ENOX1: variants seen among roughly 807,000 people sequenced by gnomAD.
The protein encoded by ENOX1 is ecto-NOX disulfide-thiol exchanger 1, also known as candidate growth-related and time keeping constitutive hydroquinone (NADH) oxidase.
Under a neutral mutation model 82.5 loss-of-function variants are expected in ENOX1, and 42 were observed. The ratio of observed to expected loss-of-function variants is 0.51; its 90% CI spans 0.40 to 0.66. The LOEUF (loss-of-function observed/expected upper bound fraction) is 0.66. Ranked by LOEUF, ENOX1 falls within the 30% of genes least tolerant of loss-of-function variation. ENOX1 has a pLI of 0.00. For synonymous variants in ENOX1, 271 were observed against 282.2 expected, an observed-to-expected ratio of 0.96 and a Z score of 0.40; for missense variants, 608 against 811.6, an observed-to-expected ratio of 0.75 and a Z score of 3.05.
intron 2 of ENOX1, among the ~76,000 whole-genome samples, chr13:43,553,392 G>A (rs2079290062): frequency 6.6e-6 from 1 of 152,032 alleles, no homozygotes; most frequent in African/African-American, 2.4e-5. Flanking sequence ...AGACAGACTG[G>A]GCTTGACACT....
intron 3 of ENOX1, among the ~76,000 whole-genome samples, chr13:43,462,620 TCA>T (rs2057538037): frequency 6.6e-6 from 1 of 152,260 alleles, no homozygotes; most frequent in Admixed American, 6.5e-5. Context: ...TTTTCTGTTA[TCA>T]CTGGTGTGAA....
intron 5 of ENOX1, among the ~76,000 whole-genome samples, chr13:43,384,359 A>G (rs1048932067): frequency 2.0e-5 from 3 of 152,172 alleles, no homozygotes; most frequent in Non-Finnish European, 4.4e-5. Context: ...GGGAGAGAGA[A>G]CCATACAAGA....
At chr13:43,360,203 G>T in intron 6 of ENOX1, 146 bp from the exon 7 acceptor site, 1 of 722,762 alleles carries the variant, frequency 1.4e-6, no homozygotes, top group Non-Finnish European at 2.3e-6. Context: ...ATCCCAGGCT[G>T]TCTTGTTTCT....
At chr13:43,687,857 G>C (rs2086156235) in intron 1 of ENOX1, among the ~76,000 whole-genome samples, 2 of 152,112 alleles carry the variant, frequency 1.3e-5, no homozygotes, top group Non-Finnish European at 2.9e-5. Flanking sequence ...AGCCAATCTG[G>C]AGATCAGGAA....
chr13:43,441,014 C>A (rs372148188), intron 3 of ENOX1, among the ~76,000 whole-genome samples: 1 of 152,138 alleles, frequency 6.6e-6, no homozygotes, highest in Non-Finnish European at 1.5e-5. Context: ...GAACATCACA[C>A]AAACCCAAAT....
intron 1 of ENOX1, among the ~76,000 whole-genome samples, chr13:43,688,781 G>C (rs1327896004): frequency 6.6e-6 from 1 of 152,154 alleles, no homozygotes; most frequent in Non-Finnish European, 1.5e-5. Flanking sequence ...TCAGAGGGAA[G>C]GAGGCAGTGA....
chr13:43,569,841 G>A (rs2080096068), intron 2 of ENOX1, among the ~76,000 whole-genome samples: 1 of 152,046 alleles, frequency 6.6e-6, no homozygotes, highest in Non-Finnish European at 1.5e-5. Context: ...GACAAACTCT[G>A]ACTTGGTTTT....
At chr13:43,386,753 TTCAC>T (rs980187564) in intron 5 of ENOX1, among the ~76,000 whole-genome samples, 14 of 152,222 alleles carry the variant, frequency 9.2e-5, no homozygotes, top group Non-Finnish European at 1.9e-4. Context: ...ATTTTGACAC[TTCAC>T]TCACTTTATA....
chr13:43,236,747 T>C lies in ENOX1; in HGVS notation c.1612-9A>G. The stretch of plus-strand genomic sequence containing the variant: ...GTCAACACATTGATTTCCTATAAAG[T>C]TAAAAGCCAAAAACCATATATGGGT... On this transcript the variant is annotated splice_polypyrimidine_tract_variant and intron_variant, in intron 14 of 16. Coordinates refer to ENST00000690772, the MANE Select transcript of ENOX1 (RefSeq NM_001347969.2). 6.5e-7 allele frequency: 1 copy of C among 1,544,232 alleles called. No individual in the cohort carries two copies. Among genetic ancestry groups the C allele is most frequent in the African/African-American group, 1.4e-5 (1 of 71,444 alleles).
intron 3 of ENOX1, among the ~76,000 whole-genome samples, chr13:43,464,384 G>C (rs2057626692): frequency 6.6e-6 from 1 of 152,122 alleles, no homozygotes; most frequent in Non-Finnish European, 1.5e-5. Context: ...ATTTAGTTCT[G>C]CAGGGCAGTA....
chr13:43,730,152 A>G (rs1349694808), intron 1 of ENOX1, among the ~76,000 whole-genome samples: 1 of 152,182 alleles, frequency 6.6e-6, no homozygotes, highest in Non-Finnish European at 1.5e-5. Flanking sequence ...CCATATGTTA[A>G]TGACTCCTAA....
At chr13:43,712,588 T>C (rs1203573748) in intron 1 of ENOX1, among the ~76,000 whole-genome samples, 2 of 148,212 alleles carry the variant, frequency 1.3e-5, no homozygotes, top group Admixed American at 6.8e-5. Context: ...CCTCTTTTAT[T>C]TCATTGAGCG....
At chr13:43,486,781 G>C (rs951242089) in intron 2 of ENOX1, among the ~76,000 whole-genome samples, 1 of 152,220 alleles carries the variant, frequency 6.6e-6, no homozygotes, top group Non-Finnish European at 1.5e-5. Flanking sequence ...CTTATCTGCA[G>C]GATGTATTTC....
intron 6 of ENOX1, 91 bp from the exon 7 acceptor site, chr13:43,360,148 TC>T (rs2050406148): frequency 1.7e-6 from 2 of 1,162,546 alleles, no homozygotes; most frequent in Non-Finnish European, 2.5e-6. Context: ...AGAGTAACTT[TC>T]TCCAGACTGA....
intron 7 of ENOX1, among the ~76,000 whole-genome samples, chr13:43,358,153 T>A (rs968001458): frequency 8.5e-5 from 13 of 152,260 alleles, no homozygotes; most frequent in Non-Finnish European, 1.3e-4. Context: ...ATGCCTAAAT[T>A]TGGGACTGTT....
Position 43,587,037 on chromosome 13 carries a change from G to A in ENOX1, c.-219+80442C>T, listed in dbSNP as rs372945710. Among the ~76,000 whole-genome samples the A allele has an allele frequency of 9.3e-5, 14 of 149,838 alleles. No homozygotes were observed. The East Asian group carries it at 2.0e-3, about 21-fold the overall frequency. On this transcript the variant is annotated intron_variant, in intron 2 of 16. Transcript: ENST00000690772. ...TGCAGCAAGCCAAGATTGTGCCACT[G>A]CACTCCAGTCTGGCGACAGAGCGAG...
At chr13:43,341,589 A>G (rs545645825) in intron 9 of ENOX1, among the ~76,000 whole-genome samples, 39 of 152,308 alleles carry the variant, frequency 2.6e-4, no homozygotes, top group African/African-American at 9.4e-4. Flanking sequence ...TCAGCTAGGG[A>G]CAGTGAATAT....
chr13:43,559,470 T>C (rs889689024), intron 2 of ENOX1, among the ~76,000 whole-genome samples: 3 of 152,208 alleles, frequency 2.0e-5, no homozygotes, highest in African/African-American at 7.2e-5. Flanking sequence ...ACTAAGTCTA[T>C]GGAGCCCAAT....
chr13:43,428,764 T>A (rs762984540), intron 3 of ENOX1, among the ~76,000 whole-genome samples: 2 of 152,174 alleles, frequency 1.3e-5, no homozygotes, highest in African/African-American at 4.8e-5. Flanking sequence ...TCATTGGGAA[T>A]AGGAGCTACA....
Sources: gnomAD v4.1 joint callset for allele counts (sites outside exome capture counted in the v4.1 genomes callset) on GRCh38, gnomAD v4.1.1 for gene constraint, MANE v1.5 for transcripts, NCBI Gene and HGNC (gene_info 2026-07-23, HGNC 2026-07-21) for gene names.